Variants in GRIK1 observed in about 807,000 individuals in gnomAD.
The protein encoded by GRIK1 is glutamate receptor ionotropic, kainate 1.
GRIK1 carries 69 observed loss-of-function variants against 105.7 expected under a neutral mutation model. The ratio of observed to expected loss-of-function variants is 0.65; its 90% CI spans 0.54 to 0.80. The LOEUF (loss-of-function observed/expected upper bound fraction) is 0.80. Ranked by LOEUF, GRIK1 falls within the 30% of genes least tolerant of loss-of-function variation. The pLI, the probability that GRIK1 is intolerant of heterozygous loss-of-function variation, is 0.00. For missense variants in GRIK1, 1,109 were observed against 1,167.3 expected, an observed-to-expected ratio of 0.95 and a Z score of 0.73; for synonymous variants, 438 against 431.3, an observed-to-expected ratio of 1.02 and a Z score of -0.19.
intron 1 of GRIK1, among the ~76,000 whole-genome samples, chr21:29,697,957 C>CTTT (rs1204926766): frequency 1.8e-5 from 2 of 108,770 alleles, no homozygotes; most frequent in African/African-American, 4.7e-5. Flanking sequence ...TTTTTTCTTT[C>CTTT]TTCCTTTCTT....
chr21:29,740,366 T>C (rs1359027628), intron 1 of GRIK1, among the ~76,000 whole-genome samples: 1 of 152,040 alleles, frequency 6.6e-6, no homozygotes, highest in Non-Finnish European at 1.5e-5. Flanking sequence ...TACAGGTACA[T>C]GCCACCACAC....
At chr21:29,773,263 C>T (rs1233637250) in intron 1 of GRIK1, among the ~76,000 whole-genome samples, 1 of 152,166 alleles carries the variant, frequency 6.6e-6, no homozygotes, top group Non-Finnish European at 1.5e-5. Flanking sequence ...AAGATAAATG[C>T]ACAGGACACA....
At position 29,537,273 on chromosome 21, in the gene GRIK1, G is replaced by C. The variant is rs2089894252; in HGVS notation, c.2807C>G (p.Thr936Ser). 6.2e-7 allele frequency: 1 copy of C among 1,611,986 alleles called. No individual in the cohort carries two copies. The highest frequency in any genetic ancestry group is 8.5e-7 in the Non-Finnish European group (1 of 1,178,720). The change falls in exon 18 of 18, where the codon ACT becomes AGT. Residue 936 changes from threonine (T) to serine (S), a missense_variant. Around this residue, in one of 5 missense-constraint regions of GRIK1, gnomAD observed 161 missense variants for 143.4 expected, o/e 1.12. Coordinates refer to ENST00000327783, the MANE Select transcript of GRIK1 (RefSeq NM_001330994.2). ...KGKSSFTSIL[T>S]CHQRRTQRKE... The stretch of plus-strand genomic sequence containing the variant: ...TCTCTGAGTTCGTCTCTGATGACAA[G>C]TAAGGATACTTGTGAAGGAAGATTT...
intron 1 of GRIK1, among the ~76,000 whole-genome samples, chr21:29,818,263 A>G (rs911580886): frequency 3.4e-4 from 51 of 152,142 alleles, no homozygotes; most frequent in Non-Finnish European, 1.0e-4. Flanking sequence ...AATTTCTGGG[A>G]GCAAACCTTT....
intron 7 of GRIK1, among the ~76,000 whole-genome samples, chr21:29,599,688 C>G (rs1019488707): frequency 1.3e-5 from 2 of 152,160 alleles, no homozygotes; most frequent in Non-Finnish European, 2.9e-5. Flanking sequence ...TTCCTCCTCC[C>G]CTGCTGTCTG....
intron 1 of GRIK1, among the ~76,000 whole-genome samples, chr21:29,747,975 A>G (rs1364612850): frequency 1.3e-5 from 2 of 152,232 alleles, no homozygotes; most frequent in Non-Finnish European, 2.9e-5. Flanking sequence ...AACATGCTTA[A>G]TCCCGTTTCA....
At chr21:29,633,287 T>G (rs1568914492) in intron 7 of GRIK1, among the ~76,000 whole-genome samples, 2 of 152,134 alleles carry the variant, frequency 1.3e-5, no homozygotes. Context: ...GATCATGAAG[T>G]CAAGAGCTGG....
chr21:29,827,966 A>G (rs887012274), intron 1 of GRIK1, among the ~76,000 whole-genome samples: 4 of 145,768 alleles, frequency 2.7e-5, no homozygotes, highest in Non-Finnish European at 6.0e-5. Flanking sequence ...TTTCTATAAT[A>G]TAGTTAGGAT....
At chr21:29,850,953 C>A (rs781142868) in intron 1 of GRIK1, among the ~76,000 whole-genome samples, 8 of 152,126 alleles carry the variant, frequency 5.3e-5, no homozygotes, top group Non-Finnish European at 8.8e-5. Context: ...TTCAAGATGC[C>A]AATAATATTA....
At chr21:29,825,531 T>C (rs2067428493) in intron 1 of GRIK1, among the ~76,000 whole-genome samples, 1 of 152,126 alleles carries the variant, frequency 6.6e-6, no homozygotes, top group Non-Finnish European at 1.5e-5. Context: ...CATGAATATG[T>C]TAATACTATG....
chr21:29,599,054 C>A, intron 7 of GRIK1, 117 bp from the exon 8 acceptor site: 1 of 586,138 alleles, frequency 1.7e-6, no homozygotes, highest in Non-Finnish European at 3.0e-6. Flanking sequence ...TTTCATCATG[C>A]TGTTATAAAC....
At position 29,893,104 on chromosome 21, in the gene GRIK1, A is replaced by C. The variant is rs532676176; in HGVS notation, c.118+46279T>G. 1.8e-4 allele frequency among the ~76,000 whole-genome samples: 27 copies of C among 152,308 alleles called. No individual in the cohort carries two copies. The South Asian group carries it at 2.7e-3, about 15-fold the overall frequency. On this transcript the variant is annotated intron_variant, in intron 1 of 17. Coordinates refer to ENST00000327783, the MANE Select transcript of GRIK1 (RefSeq NM_001330994.2). ...AATACAGTTGTTGAAATTGGATGGA[A>C]ATTTAAAGATTATCTTGTCTAACTG...
intron 1 of GRIK1, among the ~76,000 whole-genome samples, chr21:29,749,671 T>C (rs939786342): frequency 2.0e-5 from 3 of 152,244 alleles, no homozygotes; most frequent in African/African-American, 7.2e-5. Context: ...CCGAGGATTA[T>C]TTCTACTTTT....
intron 14 of GRIK1, among the ~76,000 whole-genome samples, chr21:29,573,084 T>G (rs535715538): frequency 4.6e-4 from 70 of 152,094 alleles, no homozygotes; most frequent in Non-Finnish European, 8.2e-4. Flanking sequence ...TCAACTGGTC[T>G]TTTTTAAAGA....
intron 1 of GRIK1, among the ~76,000 whole-genome samples, chr21:29,925,092 C>T (rs1006387932): frequency 6.6e-6 from 1 of 152,178 alleles, no homozygotes; most frequent in African/African-American, 2.4e-5. Flanking sequence ...CTACGTGATG[C>T]CTTGTCATAG....
intron 1 of GRIK1, among the ~76,000 whole-genome samples, chr21:29,716,085 C>G (rs1287402697): frequency 6.6e-6 from 1 of 152,076 alleles, no homozygotes; most frequent in Non-Finnish European, 1.5e-5. Flanking sequence ...TCCCCCTTTG[C>G]TTGGCACTTC....
At chr21:29,724,579 G>GAC (rs1225724631) in intron 1 of GRIK1, among the ~76,000 whole-genome samples, 2 of 152,218 alleles carry the variant, frequency 1.3e-5, no homozygotes, top group Non-Finnish European at 2.9e-5. Flanking sequence ...ATATGGGAGA[G>GAC]ACGTTTTATG....
intron 1 of GRIK1, among the ~76,000 whole-genome samples, chr21:29,919,480 G>A (rs2071119731): frequency 1.3e-5 from 2 of 152,056 alleles, no homozygotes; most frequent in Admixed American, 6.6e-5. Flanking sequence ...ATCTCAGGGC[G>A]GTTCATAAAC....
intron 1 of GRIK1, among the ~76,000 whole-genome samples, chr21:29,868,942 G>A (rs1320571819): frequency 6.6e-6 from 1 of 152,216 alleles, no homozygotes; most frequent in Admixed American, 6.5e-5. Context: ...TGGTTTCCAT[G>A]GTAAGTCCAT....
Sources: allele counts gnomAD v4.1 joint callset (sites outside exome capture counted in the v4.1 genomes callset), GRCh38; gene constraint gnomAD v4.1.1; regional missense constraint gnomAD v4.1.1; transcripts MANE v1.5; gene names NCBI Gene and HGNC (gene_info 2026-07-23, HGNC 2026-07-21).